AGBL4: variants seen among roughly 807,000 people sequenced by gnomAD.
AGBL4 encodes the protein cytosolic carboxypeptidase 6.
AGBL4 carries 58 observed loss-of-function variants against 66.4 expected under a neutral mutation model. That is an observed-to-expected ratio of 0.87 (90% CI 0.71 to 1.09). AGBL4 has a LOEUF of 1.09. AGBL4 is among the 50% of genes least tolerant of loss of function. The probability of loss-of-function intolerance (pLI) is 0.00; values close to 1 mark genes in which losing one functional copy is unlikely to be tolerated. For missense variants in AGBL4, 579 were observed against 631.0 expected, an observed-to-expected ratio of 0.92 and a Z score of 0.88; for synonymous variants, 234 against 222.9, an observed-to-expected ratio of 1.05 and a Z score of -0.44.
At chr1:48,827,660 A>G (rs1646455508) in intron 6 of AGBL4, among the ~76,000 whole-genome samples, 1 of 152,192 alleles carries the variant, frequency 6.6e-6, no homozygotes, top group Non-Finnish European at 1.5e-5. Context: ...GTAGTTCTGC[A>G]TGCTTCCTTG....
At chr1:49,640,955 C>T (rs147902613) in intron 3 of AGBL4, among the ~76,000 whole-genome samples, 4 of 152,140 alleles carry the variant, frequency 2.6e-5, no homozygotes, top group South Asian at 2.1e-4. Flanking sequence ...ACAATCCTTG[C>T]GATGGGACTC....
At chr1:48,525,578 T>C in the AGBL4 span, among the ~76,000 whole-genome samples, 2 of 152,236 alleles carry the variant, frequency 1.3e-5, no homozygotes, top group African/African-American at 4.8e-5. Context: ...TCTCTTTTTC[T>C]TTTATTTTCT....
intron 3 of AGBL4, among the ~76,000 whole-genome samples, chr1:49,258,448 G>C (rs1042341110): frequency 2.6e-5 from 4 of 152,116 alleles, no homozygotes; most frequent in Admixed American, 6.6e-5. Flanking sequence ...AACCAATATA[G>C]AGAAGTGCTT....
At chr1:49,877,265 T>C (rs1306015050) in intron 1 of AGBL4, among the ~76,000 whole-genome samples, 1 of 151,032 alleles carries the variant, frequency 6.6e-6, no homozygotes, top group Non-Finnish European at 1.5e-5. Flanking sequence ...TTCCAGTTTT[T>C]GCCCATTCAG....
chr1:48,971,452 T>C (rs1244773708), intron 5 of AGBL4, among the ~76,000 whole-genome samples: 13 of 152,032 alleles, frequency 8.6e-5, no homozygotes, highest in Non-Finnish European at 1.8e-4. Flanking sequence ...CTGTGATACA[T>C]ACACATGATG....
intron 5 of AGBL4, among the ~76,000 whole-genome samples, chr1:49,044,394 C>T (rs1219528905): frequency 6.6e-6 from 1 of 151,818 alleles, no homozygotes; most frequent in African/African-American, 2.4e-5. Flanking sequence ...GAGGCTGAGG[C>T]AGGAGAATTG....
At chr1:49,022,224 A>G (rs1358330272) in intron 5 of AGBL4, among the ~76,000 whole-genome samples, 1 of 152,194 alleles carries the variant, frequency 6.6e-6, no homozygotes, top group Non-Finnish European at 1.5e-5. Flanking sequence ...TAAGCCAGAA[A>G]AAATCAAATG....
chr1:48,886,156 A>T (rs1229259538), intron 5 of AGBL4, among the ~76,000 whole-genome samples: 1 of 151,956 alleles, frequency 6.6e-6, no homozygotes, highest in Non-Finnish European at 1.5e-5. Flanking sequence ...TAGAATGTGG[A>T]ACTGTGCATG....
At chr1:48,601,401 G>T (rs1033643436) in intron 9 of AGBL4, among the ~76,000 whole-genome samples, 3 of 152,180 alleles carry the variant, frequency 2.0e-5, no homozygotes, top group African/African-American at 7.2e-5. Context: ...ACTATGTGTA[G>T]GTGCTGTGCT....
chr1:49,827,411 A>C (rs527740388), intron 2 of AGBL4, among the ~76,000 whole-genome samples: 1 of 152,308 alleles, frequency 6.6e-6, no homozygotes, highest in South Asian at 2.1e-4. Flanking sequence ...AAAAGTTTTA[A>C]GGTCAAAAGG....
At chr1:49,500,701 T>C (rs1159052588) in intron 3 of AGBL4, among the ~76,000 whole-genome samples, 2 of 152,158 alleles carry the variant, frequency 1.3e-5, no homozygotes. Context: ...GTATTTGTTT[T>C]ATTTCTGGGT....
At chr1:49,745,946 C>A (rs754892000) in intron 2 of AGBL4, among the ~76,000 whole-genome samples, 1 of 151,994 alleles carries the variant, frequency 6.6e-6, no homozygotes, top group Non-Finnish European at 1.5e-5. Flanking sequence ...TTCAGATGAA[C>A]ACAAAACATT....
chr1:48,606,620 C>T (rs904043770), intron 9 of AGBL4, among the ~76,000 whole-genome samples: 3 of 152,136 alleles, frequency 2.0e-5, no homozygotes, highest in African/African-American at 7.2e-5. Context: ...TACATGATCT[C>T]CAAAGGGATT....
intron 2 of AGBL4, among the ~76,000 whole-genome samples, chr1:49,813,513 C>T (rs761446869): frequency 7.0e-4 from 106 of 152,234 alleles, no homozygotes; most frequent in Non-Finnish European, 1.3e-3. Context: ...GCCACTCCCT[C>T]CTTGGTGACT....
chr1:48,533,993 T>C lies in AGBL4; in HGVS notation c.*180A>G, dbSNP rs1643930228. ...AGCTTTTTGAGCTGAAGGCTTACAA[T>C]TGATTTTCCATTGGAAAAAGGGAAA... On this transcript the variant is annotated 3_prime_UTR_variant, in exon 14 of 14. Coordinates refer to ENST00000371839, the MANE Select transcript of AGBL4 (RefSeq NM_032785.4). 2 of 1,031,838 alleles carry C rather than the reference T, an allele frequency of 1.9e-6. No homozygotes were observed. The highest frequency in any genetic ancestry group is 1.4e-6 in the Non-Finnish European group (1 of 699,358). The allele number at this position is 1,031,838 out of a possible 1,614,324, so 63.9% of individuals were successfully genotyped here. A position where few individuals can be genotyped will look rare whatever the true frequency, so the allele number is the denominator to read the frequency against.
intron 3 of AGBL4, among the ~76,000 whole-genome samples, chr1:49,564,825 G>A (rs954886172): frequency 6.6e-5 from 10 of 152,038 alleles, no homozygotes; most frequent in African/African-American, 1.5e-4. Flanking sequence ...TATTAGGTCC[G>A]CTTGGTGCAG....
At chr1:48,609,724 C>T (rs1206549245) in intron 9 of AGBL4, among the ~76,000 whole-genome samples, 1 of 152,108 alleles carries the variant, frequency 6.6e-6, no homozygotes, top group African/African-American at 2.4e-5. Context: ...TGCTTGGTTG[C>T]CATTTTCATT....
intron 3 of AGBL4, among the ~76,000 whole-genome samples, chr1:49,320,971 T>C (rs1645123324): frequency 6.6e-6 from 1 of 152,026 alleles, no homozygotes; most frequent in African/African-American, 2.4e-5. Flanking sequence ...GAAAACTCAC[T>C]CACTAGCAGG....
Position 49,453,574 on chromosome 1 carries a change from AATG to A in AGBL4, c.283-207713_283-207711del, listed in dbSNP as rs769430803. 2.2e-4 allele frequency among the ~76,000 whole-genome samples: 34 copies of A among 152,014 alleles called. 1 individual carries two copies. Among genetic ancestry groups the A allele is most frequent in the Non-Finnish European group, 3.7e-4 (25 of 67,914 alleles). On this transcript the variant is annotated intron_variant, in intron 3 of 13. Transcript: ENST00000371839. ...CTCATGCTCTCAAGGCAATAAAGTT[AATG>A]ATATGTTGCTACTAAAATTTCTCAT...
Sources: allele counts gnomAD v4.1 joint callset (sites outside exome capture counted in the v4.1 genomes callset), GRCh38; gene constraint gnomAD v4.1.1; transcripts MANE v1.5; gene names NCBI Gene and HGNC (gene_info 2026-07-23, HGNC 2026-07-21).